GPC5: variants seen among roughly 807,000 people sequenced by gnomAD.
GPC5 encodes the protein glypican 5.
Under a neutral mutation model 53.9 loss-of-function variants are expected in GPC5, and 47 were observed. The ratio of observed to expected loss-of-function variants is 0.87; its 90% CI spans 0.69 to 1.11. The LOEUF is 1.11. Ranked by LOEUF, GPC5 falls within the 50% of genes most tolerant of loss-of-function variation. The pLI is 0.00. For missense variants in GPC5, 748 were observed against 713.1 expected, an observed-to-expected ratio of 1.05 and a Z score of -0.56; for synonymous variants, 286 against 263.3, an observed-to-expected ratio of 1.09 and a Z score of -0.84.
intron 2 of GPC5, among the ~76,000 whole-genome samples, chr13:91,619,378 T>C (rs925247168): frequency 6.6e-6 from 1 of 152,110 alleles, no homozygotes. Context: ...ATAATATATC[T>C]TGATTTGAAG....
chr13:92,373,378 T>C (rs1305693593), intron 7 of GPC5, among the ~76,000 whole-genome samples: 3 of 152,228 alleles, frequency 2.0e-5, no homozygotes, highest in Non-Finnish European at 1.5e-5. Context: ...CCATAAACTA[T>C]AGATTCATGT....
chr13:92,610,882 AC>A (rs1236540207), intron 7 of GPC5, among the ~76,000 whole-genome samples: 42 of 152,066 alleles, frequency 2.8e-4, no homozygotes, highest in African/African-American at 7.5e-4. Flanking sequence ...TCTCCCATTG[AC>A]ACATGGGGGA....
chr13:92,520,244 G>T (rs77873302), intron 7 of GPC5, among the ~76,000 whole-genome samples: 1 of 152,074 alleles, frequency 6.6e-6, no homozygotes, highest in South Asian at 2.1e-4. Context: ...ATTCCAATCA[G>T]TAGGAAAAAA....
intron 2 of GPC5, among the ~76,000 whole-genome samples, chr13:91,684,743 G>A (rs1158765335): frequency 6.6e-6 from 1 of 152,130 alleles, no homozygotes; most frequent in African/African-American, 2.4e-5. Context: ...TTTAAGACAT[G>A]AACAGCATCA....
At chr13:91,518,180 T>C (rs1885613006) in intron 2 of GPC5, among the ~76,000 whole-genome samples, 1 of 152,202 alleles carries the variant, frequency 6.6e-6, no homozygotes, top group South Asian at 2.1e-4. Flanking sequence ...AAACATCCAA[T>C]TAGATATCAA....
chr13:92,076,564 A>AT (rs35009219), intron 6 of GPC5, among the ~76,000 whole-genome samples: 6,684 of 148,114 alleles, frequency 0.045, 266 homozygotes, highest in African/African-American at 0.11. Flanking sequence ...CTAAGCTCAG[A>AT]TTTTTTTTTT....
intron 2 of GPC5, among the ~76,000 whole-genome samples, chr13:91,585,016 A>AGCAT (rs931036342): frequency 2.6e-5 from 4 of 152,236 alleles, no homozygotes; most frequent in African/African-American, 9.6e-5. Context: ...AAAAAAGACA[A>AGCAT]GCCATTTTTG....
At chr13:92,016,878 A>G (rs2040712383) in intron 6 of GPC5, among the ~76,000 whole-genome samples, 1 of 152,028 alleles carries the variant, frequency 6.6e-6, no homozygotes, top group African/African-American at 2.4e-5. Context: ...CTGCCTGGGA[A>G]GAGTAGGAAT....
chr13:91,491,634 G>A (rs778182367), intron 2 of GPC5, among the ~76,000 whole-genome samples: 10 of 152,056 alleles, frequency 6.6e-5, no homozygotes, highest in Non-Finnish European at 8.8e-5. Flanking sequence ...AAGTCAGCAG[G>A]ACTTCTTGCC....
intron 6 of GPC5, among the ~76,000 whole-genome samples, chr13:91,951,462 G>A (rs574286201): frequency 6.6e-6 from 1 of 152,248 alleles, no homozygotes; most frequent in African/African-American, 2.4e-5. Context: ...CAAGTCTTCA[G>A]TGTTAAAGTA....
At chr13:91,874,919 A>G (rs762570875) in intron 5 of GPC5, among the ~76,000 whole-genome samples, 2 of 152,154 alleles carry the variant, frequency 1.3e-5, no homozygotes, top group Non-Finnish European at 2.9e-5. Context: ...CCACTCAATA[A>G]CAAAGGATGA....
chr13:92,616,153 A>G (rs1035001452), intron 7 of GPC5, among the ~76,000 whole-genome samples: 1 of 152,238 alleles, frequency 6.6e-6, no homozygotes, highest in African/African-American at 2.4e-5. Context: ...AAAAATAAGG[A>G]TTTATATTTT....
intron 7 of GPC5, among the ~76,000 whole-genome samples, chr13:92,800,359 C>A (rs1180479824): frequency 6.6e-6 from 1 of 151,802 alleles, no homozygotes; most frequent in South Asian, 2.1e-4. Context: ...AACACAAACC[C>A]TTCCTTTGGT....
chr13:91,660,940 T>A (rs1003506033), intron 2 of GPC5, among the ~76,000 whole-genome samples: 2 of 152,216 alleles, frequency 1.3e-5, no homozygotes, highest in South Asian at 2.1e-4. Context: ...TACAAGGCAA[T>A]GTGCTGTCAC....
rs1320309922 is a variant in GPC5 at position 91,575,342 on chromosome 13, G to A, written c.326-117845G>A. 2.6e-5 allele frequency among the ~76,000 whole-genome samples: 4 copies of A among 152,048 alleles called. No individual in the cohort carries two copies. The East Asian group carries it at 7.7e-4, about 29-fold the overall frequency. On this transcript the variant is annotated intron_variant, in intron 2 of 7. Transcript: ENST00000377067. ...GAAATAAATGAAATGTTAACCCCACGTGAGTCAGATGTATTTGTTCTATGA... is the reference window on the plus strand; with the variant it reads ...GAAATAAATGAAATGTTAACCCCACATGAGTCAGATGTATTTGTTCTATGA...
chr13:92,447,282 CTT>C (rs1329972431), intron 7 of GPC5: 1 of 152,046 alleles, frequency 6.6e-6, no homozygotes, highest in East Asian at 1.9e-4. Context: ...AGATTTAAGT[CTT>C]TAATCCATTT....
At chr13:92,322,269 TG>T (rs34486150) in intron 7 of GPC5, among the ~76,000 whole-genome samples, 30,333 of 150,064 alleles carry the variant, frequency 0.2, 4,090 homozygotes, top group African/African-American at 0.39. Context: ...AGATGGTGAA[TG>T]GGGGAAAAAA....
intron 2 of GPC5, among the ~76,000 whole-genome samples, chr13:91,460,106 A>C (rs2351864): frequency 0.015 from 2,254 of 152,204 alleles, 33 homozygotes; most frequent in Middle Eastern, 0.058. Context: ...TGAAAATAGA[A>C]TTATTTATTA....
At chr13:92,483,317 G>A (rs367572527) in intron 7 of GPC5, among the ~76,000 whole-genome samples, 2 of 152,124 alleles carry the variant, frequency 1.3e-5, no homozygotes, top group African/African-American at 4.8e-5. Context: ...CTACATGGTG[G>A]AGCCTTTTGC....
Sources: gnomAD v4.1 joint callset for allele counts (sites outside exome capture counted in the v4.1 genomes callset) on GRCh38, gnomAD v4.1.1 for gene constraint, MANE v1.5 for transcripts, NCBI Gene and HGNC (gene_info 2026-07-23, HGNC 2026-07-21) for gene names.